Variants in EXOC6B observed in about 807,000 individuals in gnomAD.
EXOC6B encodes the protein SEC15 homolog B.
EXOC6B carries 54 observed loss-of-function variants against 113.5 expected under a neutral mutation model. The observed-to-expected ratio is 0.48, with a 90% CI of 0.38 to 0.60. The LOEUF (loss-of-function observed/expected upper bound fraction) is 0.60. Among genes scored for constraint, EXOC6B ranks in the 20% least tolerant of loss-of-function variants. EXOC6B has a pLI of 0.00. For missense variants in EXOC6B, 797 were observed against 977.5 expected (o/e 0.82, Z 2.46); for synonymous variants, 357 against 339.0 (o/e 1.05, Z -0.58).
In EXOC6B at chr2:72,480,482, A is replaced by T. The variant is rs1573220314; in HGVS notation, c.1800+134T>A. ...TTTTTCAAAGAAAATAGAGAAGGGAAACCAAACATATCATAAACACTCATT... is the reference window on the plus strand; with the variant it reads ...TTTTTCAAAGAAAATAGAGAAGGGATACCAAACATATCATAAACACTCATT... On this transcript the variant is annotated intron_variant, in intron 17 of 21. Transcript: ENST00000272427. The T allele has an allele frequency of 1.4e-5, 12 of 846,592 alleles. No homozygotes were observed. In the East Asian group the frequency reaches 3.7e-4, roughly 26 times the overall value. The allele number at this position is 846,592 out of a possible 1,614,324, so 52.4% of individuals were successfully genotyped here.
At chr2:72,503,429 A>G (rs992641799) in intron 11 of EXOC6B, among the ~76,000 whole-genome samples, 1 of 152,230 alleles carries the variant, frequency 6.6e-6, no homozygotes, top group African/African-American at 2.4e-5. Context: ...AGAATGGCAT[A>G]TAGTTGGGAT....
intron 20 of EXOC6B, among the ~76,000 whole-genome samples, chr2:72,224,798 C>CTGTGTG (rs34910404): frequency 1.4e-3 from 195 of 144,342 alleles, no homozygotes; most frequent in African/African-American, 4.6e-3. Context: ...TCCAGCTAAT[C>CTGTGTG]TGTGTGTGTG....
intron 18 of EXOC6B, among the ~76,000 whole-genome samples, chr2:72,389,975 G>A (rs1692269122): frequency 6.6e-6 from 1 of 152,052 alleles, no homozygotes; most frequent in Non-Finnish European, 1.5e-5. Context: ...CTCAGGTTCA[G>A]GAAAAATTAC....
At chr2:72,424,383 CTT>C (rs1246304193) in intron 18 of EXOC6B, among the ~76,000 whole-genome samples, 1 of 151,748 alleles carries the variant, frequency 6.6e-6, no homozygotes, top group Non-Finnish European at 1.5e-5. Context: ...ACATATAAGA[CTT>C]GTGTAAAATT....
At chr2:72,310,732 G>A (rs1439549069) in intron 20 of EXOC6B, among the ~76,000 whole-genome samples, 1 of 151,776 alleles carries the variant, frequency 6.6e-6, no homozygotes, top group Admixed American at 6.6e-5. Flanking sequence ...ATTTAAGTAT[G>A]ATGCTTCCTT....
intron 6 of EXOC6B, among the ~76,000 whole-genome samples, chr2:72,576,917 C>A (rs1704905676): frequency 6.6e-6 from 1 of 151,902 alleles, no homozygotes; most frequent in East Asian, 1.9e-4. Context: ...TCCTCAGTGG[C>A]AAATAGAAAT....
intron 20 of EXOC6B, among the ~76,000 whole-genome samples, chr2:72,309,124 C>T (rs1379813822): frequency 6.6e-6 from 1 of 152,030 alleles, no homozygotes; most frequent in Non-Finnish European, 1.5e-5. Flanking sequence ...ATCAAAATTG[C>T]CCTGAAGTCT....
intron 8 of EXOC6B, among the ~76,000 whole-genome samples, chr2:72,524,181 C>G (rs1328189442): frequency 6.6e-6 from 1 of 151,246 alleles, no homozygotes; most frequent in Non-Finnish European, 1.5e-5. Flanking sequence ...ACTGAAAGGG[C>G]CATTTTAATT....
chr2:72,689,417 G>A (rs1036642586), intron 6 of EXOC6B, among the ~76,000 whole-genome samples: 1 of 152,042 alleles, frequency 6.6e-6, no homozygotes, highest in African/African-American at 2.4e-5. Flanking sequence ...CTCTCTCTCA[G>A]TCTCTCTCTC....
intron 11 of EXOC6B, among the ~76,000 whole-genome samples, chr2:72,507,210 G>A (rs1700640372): frequency 6.6e-6 from 1 of 152,066 alleles, no homozygotes; most frequent in African/African-American, 2.4e-5. Context: ...GAGTGTTTTT[G>A]AGATTTGATT....
chr2:72,693,147 C>T (rs1351996534), intron 6 of EXOC6B, among the ~76,000 whole-genome samples: 1 of 152,090 alleles, frequency 6.6e-6, no homozygotes, highest in Non-Finnish European at 1.5e-5. Context: ...TATTCCCTGC[C>T]CCCACATCCA....
intron 6 of EXOC6B, among the ~76,000 whole-genome samples, chr2:72,633,688 C>G (rs777148512): frequency 3.9e-5 from 6 of 152,160 alleles, no homozygotes; most frequent in African/African-American, 1.2e-4. Context: ...ACACCTGGAA[C>G]AGTACCATGG....
intron 6 of EXOC6B, among the ~76,000 whole-genome samples, chr2:72,592,624 T>C (rs1208021414): frequency 6.6e-6 from 1 of 152,176 alleles, no homozygotes; most frequent in African/African-American, 2.4e-5. Flanking sequence ...ACAAACAATT[T>C]TGACACGACA....
chr2:72,586,744 C>T (rs1705609362), intron 6 of EXOC6B, among the ~76,000 whole-genome samples: 1 of 151,426 alleles, frequency 6.6e-6, no homozygotes, highest in African/African-American at 2.4e-5. Flanking sequence ...GAGCAAGACT[C>T]CGTCTCAAAA....
intron 6 of EXOC6B, among the ~76,000 whole-genome samples, chr2:72,641,196 A>C (rs999635640): frequency 2.0e-5 from 3 of 152,218 alleles, no homozygotes; most frequent in Admixed American, 6.5e-5. Context: ...TACCTGGTTC[A>C]TCTAATTGGG....
intron 6 of EXOC6B, among the ~76,000 whole-genome samples, chr2:72,679,438 C>G (rs561005680): frequency 6.6e-6 from 1 of 152,134 alleles, no homozygotes; most frequent in South Asian, 2.1e-4. Context: ...GATTAGGAAC[C>G]CCTGATTAAA....
intron 20 of EXOC6B, among the ~76,000 whole-genome samples, chr2:72,258,399 T>C (rs1292665599): frequency 2.0e-5 from 3 of 148,928 alleles, no homozygotes; most frequent in Non-Finnish European, 4.5e-5. Context: ...GGTGTTACTC[T>C]GTCATCCAGG....
At chr2:72,429,916 T>C (rs995912802) in intron 18 of EXOC6B, among the ~76,000 whole-genome samples, 1 of 152,208 alleles carries the variant, frequency 6.6e-6, no homozygotes, top group African/African-American at 2.4e-5. Context: ...TTAACAAATA[T>C]TTCTTGGATG....
chr2:72,260,009 G>A (rs980638904), intron 20 of EXOC6B, among the ~76,000 whole-genome samples: 4 of 152,008 alleles, frequency 2.6e-5, no homozygotes, highest in African/African-American at 4.8e-5. Flanking sequence ...CTGTGATTGC[G>A]CCACTGTACT....
Sources: gnomAD v4.1 joint callset for allele counts (sites outside exome capture counted in the v4.1 genomes callset) on GRCh38, gnomAD v4.1.1 for gene constraint, MANE v1.5 for transcripts, NCBI Gene and HGNC (gene_info 2026-07-23, HGNC 2026-07-21) for gene names.